Variants in NID1 observed in about 807,000 individuals in gnomAD.
NID1 encodes the protein nidogen-1.
A neutral mutation model predicts 130.6 loss-of-function variants in NID1; 76 were observed. That is an observed-to-expected ratio of 0.58 (90% confidence interval 0.48 to 0.70). The LOEUF is 0.70. Ranked by LOEUF, NID1 falls within the 30% of genes least tolerant of loss-of-function variation. The pLI, the probability that NID1 is intolerant of heterozygous loss-of-function variation, is 0.00. For synonymous variants in NID1, 665 were observed against 675.1 expected (o/e 0.98, Z 0.23); for missense variants, 1,517 against 1,664.8 (o/e 0.91, Z 1.54).
rs75483313 is a variant in NID1, at chr1:236,042,202, G to A, written c.843C>T (p.Leu281=). ...TNGVVPADVI[L]GTEDGAEYDD... The stretch of plus-strand genomic sequence containing the variant: ...CATACTCTGCCCCATCTTCAGTTCC[G>A]AGGATCACGTCTGCAGGCACCACGC... Residue 281 remains leucine (L), a synonymous_variant, in exon 4 of 20, where the codon CTC becomes CTT. Coordinates refer to ENST00000264187, the MANE Select transcript of NID1 (RefSeq NM_002508.3). 5,681 of 1,613,434 alleles carry A rather than the reference G, an allele frequency of 3.5e-3. 148 individuals are homozygous for A. The African/African-American group carries it at 0.063, about 18-fold the overall frequency.
At chr1:236,064,149 T>C (rs1660123596) in intron 1 of NID1, among the ~76,000 whole-genome samples, 1 of 152,110 alleles carries the variant, frequency 6.6e-6, no homozygotes. Context: ...CTTCAACAAG[T>C]TGACAGCGAC....
chr1:236,044,486 C>T (rs529517741), intron 3 of NID1, among the ~76,000 whole-genome samples: 12 of 152,096 alleles, frequency 7.9e-5, no homozygotes, highest in Non-Finnish European at 1.3e-4. Flanking sequence ...AGTGACATGA[C>T]GTTAATAACT....
At position 236,029,625 on chromosome 1, in the gene NID1, G is replaced by T; in HGVS notation, c.1663C>A (p.Arg555Ser). ...HLTIDTELEGRVPQIPFGSSV... is the reference protein window; with the variant it reads ...HLTIDTELEGSVPQIPFGSSV... ...GAGCCGAACGGAATCTGCGGCACGC[G>T]GCCCTCCAGCTCCGTGTCGATGGTC... Residue 555 changes from arginine (R) to serine (S), a missense_variant, in exon 7 of 20, where the codon CGC becomes AGC. By Grantham distance (110) the Arg-to-Ser change is moderately radical. Coordinates refer to ENST00000264187, the MANE Select transcript of NID1 (RefSeq NM_002508.3). 1 of 1,609,698 alleles carries T rather than the reference G, an allele frequency of 6.2e-7. No individual in the cohort carries two copies. Among genetic ancestry groups the T allele is most frequent in the Non-Finnish European group, 8.5e-7 (1 of 1,178,288 alleles).
chr1:236,038,222 C>A lies in NID1; in HGVS notation c.1167G>T (p.Thr389=), dbSNP rs144709709. Residue 389 remains threonine (T), a synonymous_variant, in exon 5 of 20, where the codon ACG becomes ACT. Transcript: ENST00000264187. ...VFSYNTDSRQ[T]CANNRHQCSV... The stretch of plus-strand genomic sequence containing the variant: ...AGCACTGGTGTCTGTTGTTAGCACA[C>A]GTCTGGCGGGAATCCGTGTTATAGC... 162 of 1,613,098 alleles carry A rather than the reference C, an allele frequency of 1.0e-4. No individual in the cohort carries two copies. Among genetic ancestry groups the A allele is most frequent in the Non-Finnish European group, 8.1e-5 (96 of 1,179,372 alleles).
chr1:236,038,959 ATG>A (rs1225226473), intron 4 of NID1, among the ~76,000 whole-genome samples: 13 of 140,638 alleles, frequency 9.2e-5, no homozygotes, highest in Middle Eastern at 4.0e-3. Flanking sequence ...TATAACATAT[ATG>A]TGTAACTATA....
intron 10 of NID1, 38 bp from the exon 11 acceptor site, chr1:236,013,598 A>T: frequency 2.5e-6 from 4 of 1,613,454 alleles, no homozygotes; most frequent in Non-Finnish European, 3.4e-6. Flanking sequence ...CTTAGGAAGA[A>T]AGTCCCCTGA....
At chr1:236,026,223 C>A in intron 7 of NID1, 82 bp from the exon 8 acceptor site, 1 of 1,558,786 alleles carries the variant, frequency 6.4e-7, no homozygotes. Flanking sequence ...GAATCAACGG[C>A]TTTCAAGGCA....
Position 236,037,261 on chromosome 1 carries a change from A to G in NID1, c.1285+843T>C, listed in dbSNP as rs1029599985. 2.0e-5 allele frequency among the ~76,000 whole-genome samples: 3 copies of G among 152,380 alleles called. No homozygotes were observed. The South Asian group carries it at 6.2e-4, about 32-fold the overall frequency. ...ACCACGCTATGACTTCAGGAGCACC[A>G]GGAAAGAGAGACAGGAGGGAGAGGA... is the stretch of plus-strand genomic sequence containing the variant. On this transcript the variant is annotated intron_variant, in intron 5 of 19. Transcript: ENST00000264187.
chr1:236,028,716 A>ATG (rs1659011317), intron 7 of NID1, among the ~76,000 whole-genome samples: 1 of 152,048 alleles, frequency 6.6e-6, no homozygotes, highest in African/African-American at 2.4e-5. Flanking sequence ...ATGGAGAGAC[A>ATG]GAGAGACAGA....
rs77894207 is a variant in NID1, at chr1:236,019,221, T to G, written c.2129-1948A>C. ...AGGAGTGCACCCAGCACGTTTGGAC[T>G]TCACAGCTCCATCCATCAGCTGCCG... is the stretch of plus-strand genomic sequence containing the variant. On this transcript the variant is annotated intron_variant, in intron 9 of 19. Transcript: ENST00000264187. 2.6e-4 allele frequency among the ~76,000 whole-genome samples: 40 copies of G among 152,310 alleles called. 1 individual carries two copies. Among genetic ancestry groups the G allele is most frequent in the African/African-American group, 9.4e-4 (39 of 41,546 alleles).
Position 236,013,495 on chromosome 1 carries a change from G to A in NID1, c.2320C>T (p.Arg774Trp), listed in dbSNP as rs1330259139. ...CCTCCTGTGTAGATACACTGGGCCC[G>A]CTGGGGTATGTCGCAGTTATGAAGG... ...TGLHNCDIPQ[R>W]AQCIYTGGSS... The change falls in exon 11 of 20, where the codon CGG becomes TGG. Residue 774 changes from arginine (R) to tryptophan (W), a missense_variant. By Grantham distance (101) the Arg-to-Trp change is moderately radical. Around this residue, in one of 3 missense-constraint regions of NID1, gnomAD observed 1,329 missense variants for 1,429.2 expected, o/e 0.93. Transcript: ENST00000264187. 5 of 1,613,538 alleles carry A rather than the reference G, an allele frequency of 3.1e-6. No individual in the cohort carries two copies. The East Asian group carries it at 6.7e-5, about 22-fold the overall frequency.
intron 15 of NID1, among the ~76,000 whole-genome samples, chr1:235,983,369 C>T (rs1042210226): frequency 6.6e-6 from 1 of 152,182 alleles, no homozygotes; most frequent in Non-Finnish European, 1.5e-5. Flanking sequence ...TATCTAAACA[C>T]AAAGTAGAGA....
intron 1 of NID1, among the ~76,000 whole-genome samples, chr1:236,056,641 A>G (rs1572624576): frequency 6.6e-6 from 1 of 151,838 alleles, no homozygotes; most frequent in Non-Finnish European, 1.5e-5. Context: ...CCCATACCCT[A>G]CCCTTCCCAG....
chr1:236,063,932 C>G (rs1296398527), intron 1 of NID1, among the ~76,000 whole-genome samples: 1 of 152,236 alleles, frequency 6.6e-6, no homozygotes, highest in Non-Finnish European at 1.5e-5. Flanking sequence ...GCAAAGCCTA[C>G]AAGTTCCACG....
At chr1:236,032,267 G>T in intron 6 of NID1, 134 bp downstream of exon 6, 2 of 1,104,682 alleles carry the variant, frequency 1.8e-6, no homozygotes, top group Non-Finnish European at 2.6e-6. Flanking sequence ...AGGATGCCCT[G>T]TCTACAGACA....
intron 13 of NID1, 53 bp downstream of exon 13, chr1:235,993,592 T>A: frequency 7.0e-7 from 1 of 1,424,600 alleles, no homozygotes; most frequent in Non-Finnish European, 9.4e-7. Context: ...GCAATTCCGG[T>A]CCCCCGAGGT....
intron 12 of NID1, among the ~76,000 whole-genome samples, chr1:236,011,501 C>T (rs1345374452): frequency 1.3e-5 from 2 of 152,080 alleles, no homozygotes; most frequent in African/African-American, 4.8e-5. Context: ...GGGGGTTTTG[C>T]CATGTTGGCC....
At chr1:236,032,717 A>G (rs116464435) in intron 5 of NID1, 65 bp from the exon 6 acceptor site, 1 of 1,587,290 alleles carries the variant, frequency 6.3e-7, no homozygotes, top group Non-Finnish European at 8.6e-7. Context: ...AACACGAGTA[A>G]TATGTAGGAC....
At chr1:236,038,870 AAT>A (rs1205499132) in intron 4 of NID1, among the ~76,000 whole-genome samples, 3 of 127,886 alleles carry the variant, frequency 2.3e-5, no homozygotes, top group Non-Finnish European at 4.7e-5. Context: ...GGTCATATAT[AAT>A]ATATATTACC....
Sources: gnomAD v4.1 joint callset for allele counts (sites outside exome capture counted in the v4.1 genomes callset) on GRCh38, gnomAD v4.1.1 for gene constraint, gnomAD v4.1.1 regional missense constraint, MANE v1.5 for transcripts, NCBI Gene and HGNC (gene_info 2026-07-23, HGNC 2026-07-21) for gene names.